Variants in ATP10B observed in about 807,000 individuals in gnomAD.
The protein encoded by ATP10B is ATPase phospholipid transporting 10B (putative), also known as phospholipid-transporting ATPase VB.
Under a neutral mutation model 141.2 loss-of-function variants are expected in ATP10B, and 122 were observed. The ratio of observed to expected loss-of-function variants is 0.86; its 90% confidence interval spans 0.75 to 1.00. ATP10B has a LOEUF of 1.00. Ranked by LOEUF, ATP10B falls within the 50% of genes least tolerant of loss-of-function variation. ATP10B has a pLI of 0.00. For missense variants in ATP10B, 1,876 were observed against 1,825.3 expected, an observed-to-expected ratio of 1.03 and a Z score of -0.51; for synonymous variants, 685 against 692.0, an observed-to-expected ratio of 0.99 and a Z score of 0.16.
the ATP10B span, among the ~76,000 whole-genome samples, chr5:160,908,893 T>C: frequency 6.6e-6 from 1 of 152,200 alleles, no homozygotes; most frequent in South Asian, 2.1e-4. Flanking sequence ...TGCTAGCCTT[T>C]ATGTCCTCCA....
chr5:160,590,013 T>C (rs1458682565), intron 23 of ATP10B, among the ~76,000 whole-genome samples: 2 of 152,156 alleles, frequency 1.3e-5, no homozygotes, highest in Admixed American at 6.5e-5. Context: ...TTGCCTACAA[T>C]GAGTTTAGTC....
chr5:160,574,192 G>A (rs1467061551), intron 24 of ATP10B, among the ~76,000 whole-genome samples: 1 of 152,218 alleles, frequency 6.6e-6, no homozygotes, highest in East Asian at 1.9e-4. Flanking sequence ...CACTTTGGGA[G>A]GCCATGGTGG....
At chr5:160,828,326 A>G (rs1481725243) in intron 1 of ATP10B, among the ~76,000 whole-genome samples, 1 of 152,214 alleles carries the variant, frequency 6.6e-6, no homozygotes, top group African/African-American at 2.4e-5. Flanking sequence ...CAAAGGGCTA[A>G]TATCCAGAAT....
chr5:160,823,520 C>T (rs1229304417), intron 1 of ATP10B, among the ~76,000 whole-genome samples: 1 of 152,102 alleles, frequency 6.6e-6, no homozygotes, highest in East Asian at 1.9e-4. Flanking sequence ...CTTGCACGTG[C>T]TTAAATTTTA....
intron 2 of ATP10B, among the ~76,000 whole-genome samples, chr5:160,752,091 T>C (rs1259456133): frequency 6.6e-6 from 1 of 151,824 alleles, no homozygotes; most frequent in Non-Finnish European, 1.5e-5. Context: ...AAAAAGGATC[T>C]TCACATAAAA....
At chr5:160,680,965 C>T (rs1012461003) in intron 6 of ATP10B, among the ~76,000 whole-genome samples, 2 of 152,172 alleles carry the variant, frequency 1.3e-5, no homozygotes, top group East Asian at 1.9e-4. Flanking sequence ...GCAGCCATTT[C>T]GTTGCCATGA....
At chr5:160,574,052 A>C (rs1755045124) in intron 24 of ATP10B, among the ~76,000 whole-genome samples, 1 of 152,200 alleles carries the variant, frequency 6.6e-6, no homozygotes, top group South Asian at 2.1e-4. Flanking sequence ...TTTATGATCT[A>C]CTAACAGGAT....
At chr5:160,878,766 C>A in the ATP10B span, among the ~76,000 whole-genome samples, 1 of 151,958 alleles carries the variant, frequency 6.6e-6, no homozygotes, top group East Asian at 1.9e-4. Context: ...ATTTATGCAG[C>A]CAAAAAACAC....
chr5:160,778,540 C>A (rs1260688276), intron 2 of ATP10B, among the ~76,000 whole-genome samples: 1 of 152,170 alleles, frequency 6.6e-6, no homozygotes, highest in African/African-American at 2.4e-5. Flanking sequence ...ATCCCATAAG[C>A]CCACTTGATT....
chr5:160,617,861 T>A lies in ATP10B; in HGVS notation c.2526+3A>T. 1.2e-6 allele frequency: 2 copies of A among 1,612,686 alleles called. No individual in the cohort carries two copies. Among genetic ancestry groups the A allele is most frequent in the Non-Finnish European group, 1.7e-6 (2 of 1,178,660 alleles). On this transcript the variant is annotated splice_donor_region_variant and intron_variant, in intron 16 of 25. Coordinates refer to ENST00000327245, the MANE Select transcript of ATP10B (RefSeq NM_025153.3). ...AAAGCACGCTTGGAGGAATTGTTCT[T>A]ACCTTCTTGGCAATGCATAGTGTGC...
At chr5:160,666,678 G>A (rs1310624111) in intron 7 of ATP10B, among the ~76,000 whole-genome samples, 2 of 152,128 alleles carry the variant, frequency 1.3e-5, no homozygotes, top group African/African-American at 4.8e-5. Context: ...AGCCAGAAGC[G>A]AGTTCTATCC....
At position 160,569,203 on chromosome 5, in the gene ATP10B, C is replaced by T. The variant is rs548169323; in HGVS notation, c.3938+293G>A. Among the ~76,000 whole-genome samples, 8 of 152,194 alleles carry T rather than the reference C, an allele frequency of 5.3e-5. No individual in the cohort carries two copies. In the East Asian group the frequency reaches 1.5e-3, roughly 29 times the overall value. On this transcript the variant is annotated intron_variant, in intron 25 of 25. Coordinates refer to ENST00000327245, the MANE Select transcript of ATP10B (RefSeq NM_025153.3). ...CTTCTCAAAATAATTCCTTACTACA[C>T]AAAAAATTTGTAAGGCAGGAGGGTA...
intron 1 of ATP10B, among the ~76,000 whole-genome samples, chr5:160,822,031 A>T (rs960330352): frequency 6.6e-6 from 1 of 152,166 alleles, no homozygotes; most frequent in Non-Finnish European, 1.5e-5. Context: ...CAAGTTAAAA[A>T]TCTTCAGCAC....
At chr5:160,604,136 T>C in intron 19 of ATP10B, 95 bp from the exon 20 acceptor site, 1 of 866,186 alleles carries the variant, frequency 1.2e-6, no homozygotes, top group South Asian at 1.3e-5. Context: ...TACAATTGAA[T>C]CCTTTTAACA....
At chr5:160,656,643 A>G (rs1761517745) in intron 7 of ATP10B, among the ~76,000 whole-genome samples, 1 of 152,018 alleles carries the variant, frequency 6.6e-6, no homozygotes, top group African/African-American at 2.4e-5. Context: ...GTTTTAATAT[A>G]TATTCTTAAA....
intron 2 of ATP10B, among the ~76,000 whole-genome samples, chr5:160,775,287 CAG>C (rs1770212089): frequency 6.6e-6 from 1 of 152,200 alleles, no homozygotes; most frequent in Non-Finnish European, 1.5e-5. Flanking sequence ...CCCTCGAGGA[CAG>C]AGGTCTTTGA....
chr5:160,613,362 A>G (rs1055366263), intron 17 of ATP10B, among the ~76,000 whole-genome samples: 53 of 152,174 alleles, frequency 3.5e-4, no homozygotes, highest in African/African-American at 1.2e-3. Flanking sequence ...AAGGTGAGAG[A>G]TGAGGCCAGA....
intron 1 of ATP10B, among the ~76,000 whole-genome samples, chr5:160,806,041 T>A (rs1772747580): frequency 6.6e-6 from 1 of 151,914 alleles, no homozygotes; most frequent in South Asian, 2.1e-4. Context: ...GCAGAGAGAG[T>A]GAGTTCTCCC....
chr5:160,909,736 T>C, the ATP10B span, among the ~76,000 whole-genome samples: 1 of 152,180 alleles, frequency 6.6e-6, no homozygotes, highest in Non-Finnish European at 1.5e-5. Flanking sequence ...AGCAGCTAAG[T>C]GACGATAACG....
Sources: gnomAD v4.1 joint callset for allele counts (sites outside exome capture counted in the v4.1 genomes callset) on GRCh38, gnomAD v4.1.1 for gene constraint, MANE v1.5 for transcripts, NCBI Gene and HGNC (gene_info 2026-07-23, HGNC 2026-07-21) for gene names.